PCSK5: variants seen among roughly 807,000 people sequenced by gnomAD.
The protein encoded by PCSK5 is prohormone convertase 5.
Under a neutral mutation model 233.2 loss-of-function variants are expected in PCSK5, and 129 were observed. The ratio of observed to expected loss-of-function variants is 0.55; its 90% CI spans 0.48 to 0.64. PCSK5 has a LOEUF of 0.64. PCSK5 is among the 30% of genes least tolerant of loss of function. The pLI is 0.00. For missense variants in PCSK5, 2,076 were observed against 2,430.1 expected, an observed-to-expected ratio of 0.85 and a Z score of 3.06; for synonymous variants, 825 against 879.2, an observed-to-expected ratio of 0.94 and a Z score of 1.09.
intron 2 of PCSK5, among the ~76,000 whole-genome samples, chr9:75,968,742 G>A (rs945907709): frequency 6.6e-6 from 1 of 152,212 alleles, no homozygotes; most frequent in Non-Finnish European, 1.5e-5. Context: ...TTAGAGTTAT[G>A]TCTATGGAAA....
At chr9:76,271,407 TA>T (rs1365232641) in intron 24 of PCSK5, among the ~76,000 whole-genome samples, 1 of 152,202 alleles carries the variant, frequency 6.6e-6, no homozygotes, top group East Asian at 1.9e-4. Flanking sequence ...CTCTTTTCAC[TA>T]AGAAGAAGTA....
intron 3 of PCSK5, among the ~76,000 whole-genome samples, chr9:75,990,437 T>C (rs1036299503): frequency 7.9e-5 from 12 of 152,170 alleles, no homozygotes; most frequent in African/African-American, 2.7e-4. Flanking sequence ...GAAGAGTACA[T>C]TTATGAGAGT....
At chr9:75,999,739 C>A (rs1025044767) in intron 3 of PCSK5, among the ~76,000 whole-genome samples, 4 of 152,190 alleles carry the variant, frequency 2.6e-5, no homozygotes, top group African/African-American at 9.6e-5. Flanking sequence ...TTGTTTATGG[C>A]CAGTTTTGGG....
At chr9:76,243,789 T>G (rs1826499571) in intron 24 of PCSK5, among the ~76,000 whole-genome samples, 1 of 152,192 alleles carries the variant, frequency 6.6e-6, no homozygotes, top group South Asian at 2.1e-4. Context: ...TGAATGTTTG[T>G]TGAATTGAAT....
At chr9:76,261,444 G>A (rs1827172151) in intron 24 of PCSK5, among the ~76,000 whole-genome samples, 1 of 152,076 alleles carries the variant, frequency 6.6e-6, no homozygotes, top group Non-Finnish European at 1.5e-5. Context: ...GAAAATCAAT[G>A]TACAAAAATC....
At chr9:75,908,941 GTCTA>G (rs58082978) in intron 1 of PCSK5, among the ~76,000 whole-genome samples, 14,693 of 115,124 alleles carry the variant, frequency 0.13, 1,130 homozygotes, top group East Asian at 0.22. Context: ...CTCTCTCTCT[GTCTA>G]TCTATCTATC....
At chr9:76,126,718 A>G (rs1053190933) in intron 9 of PCSK5, among the ~76,000 whole-genome samples, 5 of 152,186 alleles carry the variant, frequency 3.3e-5, no homozygotes, top group African/African-American at 1.2e-4. Flanking sequence ...CTCACTTAAA[A>G]GTGAGAGCTA....
chr9:76,058,587 G>A (rs1829909906), intron 5 of PCSK5, among the ~76,000 whole-genome samples: 1 of 152,102 alleles, frequency 6.6e-6, no homozygotes, highest in Non-Finnish European at 1.5e-5. Context: ...TTTGGATCAA[G>A]GAGCGTCTCC....
intron 1 of PCSK5, among the ~76,000 whole-genome samples, chr9:75,911,637 T>G (rs1033479074): frequency 1.8e-4 from 28 of 152,270 alleles, no homozygotes; most frequent in African/African-American, 6.5e-4. Flanking sequence ...TGGTAGGTTC[T>G]TGAGTTGACT....
chr9:75,932,244 A>G lies in PCSK5; in HGVS notation c.193-135A>G. ...ACCAAGGTTCAGGTAACATTTAAGC[A>G]CAGCCAGCAGCTGCATAATTTATGG... On this transcript the variant is annotated intron_variant, in intron 1 of 37. Coordinates refer to ENST00000674117, the MANE Select transcript of PCSK5 (RefSeq NM_001372043.1). 3 of 617,614 alleles carry G rather than the reference A, an allele frequency of 4.9e-6. No homozygotes were observed. The South Asian group carries it at 6.2e-5, about 13-fold the overall frequency. The allele number at this position is 617,614 out of a possible 1,614,324, so 38.3% of individuals were successfully genotyped here.
intron 1 of PCSK5, among the ~76,000 whole-genome samples, chr9:75,926,061 G>A (rs1473275013): frequency 6.6e-6 from 1 of 152,196 alleles, no homozygotes; most frequent in Non-Finnish European, 1.5e-5. Context: ...GTAGGAACAA[G>A]TGTGAGCTGG....
intron 20 of PCSK5, chr9:76,205,322 G>A: frequency 2.0e-6 from 1 of 505,040 alleles, no homozygotes; most frequent in South Asian, 1.4e-5. Context: ...ACAGAACACA[G>A]CGTGAGGAGG....
At chr9:76,017,138 G>A (rs979164410) in intron 3 of PCSK5, among the ~76,000 whole-genome samples, 1 of 152,124 alleles carries the variant, frequency 6.6e-6, no homozygotes, top group Non-Finnish European at 1.5e-5. Flanking sequence ...TTTGGCCAGT[G>A]TGCCAAAAGG....
chr9:76,248,571 T>C (rs192746660), intron 24 of PCSK5, among the ~76,000 whole-genome samples: 4 of 152,262 alleles, frequency 2.6e-5, no homozygotes, highest in African/African-American at 9.6e-5. Flanking sequence ...TAAGTAGATA[T>C]AAACACACTG....
intron 24 of PCSK5, among the ~76,000 whole-genome samples, chr9:76,284,699 A>G (rs1044143887): frequency 2.0e-5 from 3 of 151,662 alleles, no homozygotes; most frequent in African/African-American, 7.3e-5. Context: ...TGCCCAGCTA[A>G]TTTTGTATTT....
At chr9:76,108,209 T>C (rs903662490) in intron 9 of PCSK5, among the ~76,000 whole-genome samples, 5 of 152,196 alleles carry the variant, frequency 3.3e-5, no homozygotes, top group Admixed American at 6.5e-5. Flanking sequence ...CTGAAAAAAT[T>C]TTGAATTCCA....
intron 20 of PCSK5, among the ~76,000 whole-genome samples, chr9:76,198,251 T>A (rs1268376803): frequency 6.6e-6 from 1 of 152,190 alleles, no homozygotes; most frequent in Non-Finnish European, 1.5e-5. Context: ...CAGTTGTGGT[T>A]TTTTTAGGGC....
intron 24 of PCSK5, among the ~76,000 whole-genome samples, chr9:76,290,015 G>T (rs1828229270): frequency 6.6e-6 from 1 of 152,142 alleles, no homozygotes; most frequent in Non-Finnish European, 1.5e-5. Flanking sequence ...GTTCCTAGAT[G>T]GGAGGGATGA....
chr9:75,933,504 A>G (rs1158075354), intron 2 of PCSK5, among the ~76,000 whole-genome samples: 1 of 152,220 alleles, frequency 6.6e-6, no homozygotes, highest in African/African-American at 2.4e-5. Context: ...CTCGAAAGTT[A>G]TATTCCTTAT....
Sources: allele counts gnomAD v4.1 joint callset (sites outside exome capture counted in the v4.1 genomes callset), GRCh38; gene constraint gnomAD v4.1.1; transcripts MANE v1.5; gene names NCBI Gene and HGNC (gene_info 2026-07-23, HGNC 2026-07-21).